Variants in CLDN14 observed in about 807,000 individuals in gnomAD.
The protein encoded by CLDN14 is claudin 14, also known as claudin-14.
A neutral mutation model predicts 2.1 loss-of-function variants in CLDN14; 2 were observed. The ratio of observed to expected loss-of-function variants is 0.96; its 90% CI spans 0.39 to 3.01. CLDN14 has a LOEUF of 3.01. CLDN14 is among the 30% of genes most tolerant of loss of function. CLDN14 has a pLI of 0.09. For missense variants in CLDN14, 298 were observed against 328.0 expected (o/e 0.91, Z 0.71); for synonymous variants, 136 against 154.4 (o/e 0.88, Z 0.88).
intron 1 of CLDN14, among the ~76,000 whole-genome samples, chr21:36,512,511 C>T (rs1362733735): frequency 6.6e-6 from 1 of 152,140 alleles, no homozygotes; most frequent in Non-Finnish European, 1.5e-5. Flanking sequence ...GATTGAAAAG[C>T]TAGTAAAATA....
intron 1 of CLDN14, among the ~76,000 whole-genome samples, chr21:36,476,079 G>T (rs1335039025): frequency 6.6e-6 from 1 of 152,180 alleles, no homozygotes; most frequent in African/African-American, 2.4e-5. Context: ...CCTGCTGAGT[G>T]CAGGCTCTCT....
At chr21:36,507,745 C>A (rs1285543875) in intron 2 of CLDN14, among the ~76,000 whole-genome samples, 1 of 152,108 alleles carries the variant, frequency 6.6e-6, no homozygotes, top group Non-Finnish European at 1.5e-5. Context: ...GCTTGGGTGA[C>A]AGAGTGAGAC....
intron 2 of CLDN14, among the ~76,000 whole-genome samples, chr21:36,506,692 G>T (rs1052327990): frequency 6.6e-6 from 1 of 152,098 alleles, no homozygotes; most frequent in East Asian, 1.9e-4. Flanking sequence ...ATCACCTCTG[G>T]GGGGTGGAGC....
intron 2 of CLDN14, among the ~76,000 whole-genome samples, chr21:36,507,757 C>A (rs974725735): frequency 6.6e-6 from 1 of 151,990 alleles, no homozygotes; most frequent in Non-Finnish European, 1.5e-5. Context: ...GAGTGAGACT[C>A]CATCTCAAAA....
At chr21:36,486,390 G>T in intron 2 of CLDN14, 2 of 1,036,456 alleles carry the variant, frequency 1.9e-6, no homozygotes, top group Non-Finnish European at 3.0e-6. Context: ...GGCTGCAGCT[G>T]CTCGTCTGGG....
At chr21:36,480,783 A>C (rs1233272716), upstream of CLDN14, 1 of 152,108 alleles carries the variant, frequency 6.6e-6, no homozygotes, top group Non-Finnish European at 1.5e-5. Context: ...AGGGCCAGGG[A>C]CTTACTTGGG....
intron 1 of CLDN14, among the ~76,000 whole-genome samples, chr21:36,569,145 G>C (rs1183323265): frequency 6.6e-6 from 1 of 152,184 alleles, no homozygotes; most frequent in Non-Finnish European, 1.5e-5. Context: ...CGGGGTGGGG[G>C]CGTGGCTCAC....
chr21:36,576,073 C>A (rs1396673034), intron 1 of CLDN14, among the ~76,000 whole-genome samples: 1 of 152,172 alleles, frequency 6.6e-6, no homozygotes, highest in Non-Finnish European at 1.5e-5. Context: ...AACCAACCAA[C>A]CATCCCCTCT....
rs1401579647 is a variant in CLDN14 at position 36,498,935 on chromosome 21, C to CT, written c.-82+11427dup. Among the ~76,000 whole-genome samples, 3 of 152,112 alleles carry CT rather than the reference C, an allele frequency of 2.0e-5. No homozygotes were observed. The highest frequency in any genetic ancestry group is 4.2e-4 in the South Asian group (2 of 4,818). On this transcript the variant is annotated intron_variant, in intron 2 of 2. Coordinates refer to the CLDN14 transcript ENST00000342108. This position sits in a 1 kb window ranked among gnomAD's most constrained non-coding sequence, Gnocchi z 4.9. Reference sequence around the variant, plus strand: ...CTAGGTGGTTCGCTCAGCAAGGGTACTTTTTGTAATTCAGCCACCCAGATG... The same window carrying CT: ...CTAGGTGGTTCGCTCAGCAAGGGTACTTTTTTGTAATTCAGCCACCCAGATG...
intron 2 of CLDN14, among the ~76,000 whole-genome samples, chr21:36,503,735 A>C (rs2087108079): frequency 6.6e-6 from 1 of 152,206 alleles, no homozygotes; most frequent in South Asian, 2.1e-4. Flanking sequence ...GTTAGGTCTG[A>C]TTAATATCAA....
intron 2 of CLDN14, chr21:36,486,249 A>G (rs1461455798): frequency 2.4e-6 from 2 of 833,564 alleles, no homozygotes; most frequent in Non-Finnish European, 4.2e-6. Context: ...TCTTCATGAC[A>G]TAAGCAATCC....
chr21:36,542,683 G>C (rs1391661975), intron 1 of CLDN14: 1 of 152,258 alleles, frequency 6.6e-6, no homozygotes, highest in Admixed American at 6.5e-5. Context: ...CGAGCGACAG[G>C]CCTCCCAGAG....
chr21:36,523,314 T>C (rs145790453), intron 1 of CLDN14, among the ~76,000 whole-genome samples: 2 of 152,364 alleles, frequency 1.3e-5, no homozygotes, highest in East Asian at 3.9e-4. Flanking sequence ...AGGGTGTATA[T>C]GTGTGATGAA....
chr21:36,523,982 C>G (rs531499285), intron 1 of CLDN14, among the ~76,000 whole-genome samples: 1 of 152,154 alleles, frequency 6.6e-6, no homozygotes, highest in South Asian at 2.1e-4. Flanking sequence ...AATGCCAGTT[C>G]CAAACACTGA....
chr21:36,511,420 AG>A (rs2087185745), intron 1 of CLDN14, among the ~76,000 whole-genome samples: 1 of 152,174 alleles, frequency 6.6e-6, no homozygotes, highest in Non-Finnish European at 1.5e-5. Context: ...TTACCAATTC[AG>A]TTGTAGATGT....
At chr21:36,533,207 G>C (rs2087394944) in intron 1 of CLDN14, among the ~76,000 whole-genome samples, 1 of 152,198 alleles carries the variant, frequency 6.6e-6, no homozygotes, top group Non-Finnish European at 1.5e-5. Flanking sequence ...CCGCAAGTGT[G>C]GGAAGAGGAC....
intron 2 of CLDN14, chr21:36,485,940 AT>A: frequency 8.5e-7 from 1 of 1,176,678 alleles, no homozygotes; most frequent in Non-Finnish European, 1.2e-6. Context: ...TCTGCGTCCC[AT>A]GCAGTCCCCT....
chr21:36,467,223 CTG>C (rs370023702), intron 1 of CLDN14, among the ~76,000 whole-genome samples: 1 of 152,272 alleles, frequency 6.6e-6, no homozygotes, highest in Non-Finnish European at 1.5e-5. Flanking sequence ...AAGCAGGGTT[CTG>C]GAGCACACAG....
At chr21:36,571,396 T>C (rs2087709441) in intron 1 of CLDN14, among the ~76,000 whole-genome samples, 2 of 152,336 alleles carry the variant, frequency 1.3e-5, no homozygotes, top group Non-Finnish European at 2.9e-5. Context: ...CTACCTCTCT[T>C]GTAATGCAGA....
Sources: gnomAD v4.1 joint callset for allele counts (sites outside exome capture counted in the v4.1 genomes callset) on GRCh38, gnomAD v4.1.1 for gene constraint, Gnocchi (gnomAD v3.1) non-coding constraint, MANE v1.5 for transcripts, NCBI Gene and HGNC (gene_info 2026-07-23, HGNC 2026-07-21) for gene names.